Variants in SCAF8 observed in about 807,000 individuals in gnomAD.
SCAF8 encodes the protein SR-related CTD associated factor 8.
In SCAF8, 23 loss-of-function variants were observed where a neutral mutation model predicts 140.5. That is an observed-to-expected ratio of 0.16 (90% confidence interval 0.12 to 0.23). The LOEUF (loss-of-function observed/expected upper bound fraction) is 0.23, where lower values mean the gene tolerates loss of function less well. Among genes scored for constraint, SCAF8 ranks in the 10% least tolerant of loss-of-function variants. The pLI, the probability that SCAF8 is intolerant of heterozygous loss-of-function variation, is 1.00. For missense variants in SCAF8, 1,397 were observed against 1,555.7 expected, an observed-to-expected ratio of 0.90 and a Z score of 1.72; for synonymous variants, 575 against 528.9, an observed-to-expected ratio of 1.09 and a Z score of -1.20.
chr6:154,737,553 C>T (rs1375214030), intron 1 of SCAF8, among the ~76,000 whole-genome samples: 2 of 151,978 alleles, frequency 1.3e-5, no homozygotes, highest in Non-Finnish European at 2.9e-5. Flanking sequence ...GTCACGGTGG[C>T]ATGTGCCTGT....
intron 1 of SCAF8, among the ~76,000 whole-genome samples, chr6:154,754,169 A>G (rs1350670464): frequency 2.0e-5 from 3 of 152,258 alleles, no homozygotes; most frequent in East Asian, 3.8e-4. Flanking sequence ...CTTAAAATTC[A>G]TGTTTAAATG....
At chr6:154,752,112 ATTTAGATTT>A (rs539508959) in intron 1 of SCAF8, among the ~76,000 whole-genome samples, 54 of 152,336 alleles carry the variant, frequency 3.5e-4, no homozygotes, top group African/African-American at 1.3e-3. Context: ...TGACTACTAC[ATTTAGATTT>A]TTGCAAACTA....
chr6:154,791,790 G>A (rs189549382), intron 4 of SCAF8, among the ~76,000 whole-genome samples: 1 of 152,246 alleles, frequency 6.6e-6, no homozygotes, highest in African/African-American at 2.4e-5. Context: ...GACTATTTGA[G>A]TAATCCAGAA....
chr6:154,740,389 G>A (rs992784134), intron 1 of SCAF8, among the ~76,000 whole-genome samples: 4 of 152,074 alleles, frequency 2.6e-5, no homozygotes, highest in African/African-American at 7.2e-5. Flanking sequence ...GGGGCACAGT[G>A]ACCCTGGTCC....
chr6:154,793,234 T>A (rs941330087), intron 5 of SCAF8, among the ~76,000 whole-genome samples: 1 of 152,142 alleles, frequency 6.6e-6, no homozygotes, highest in South Asian at 2.1e-4. Context: ...GTCAATTAGA[T>A]TTTTCCTGAT....
At chr6:154,750,430 T>C (rs1778810712) in intron 1 of SCAF8, among the ~76,000 whole-genome samples, 1 of 151,902 alleles carries the variant, frequency 6.6e-6, no homozygotes, top group African/African-American at 2.4e-5. Flanking sequence ...TCTTGTAGAA[T>C]CTTTTCATCC....
intron 2 of SCAF8, among the ~76,000 whole-genome samples, chr6:154,774,911 A>G (rs1776875150): frequency 6.6e-6 from 1 of 152,202 alleles, no homozygotes; most frequent in Non-Finnish European, 1.5e-5. Context: ...CCCTAGGCTA[A>G]GATTCCCTGA....
chr6:154,752,541 T>C (rs1346092613), intron 1 of SCAF8, among the ~76,000 whole-genome samples: 3 of 152,146 alleles, frequency 2.0e-5, no homozygotes, highest in Admixed American at 6.6e-5. Flanking sequence ...GTAGTGTCAT[T>C]GTGGATATCT....
chr6:154,759,733 T>G (rs1456506145), intron 1 of SCAF8, among the ~76,000 whole-genome samples: 1 of 151,194 alleles, frequency 6.6e-6, no homozygotes, highest in African/African-American at 2.4e-5. Flanking sequence ...TGGTGCGATC[T>G]TGGCTCACTG....
At chr6:154,756,764 C>A (rs1778976084) in intron 1 of SCAF8, among the ~76,000 whole-genome samples, 1 of 152,162 alleles carries the variant, frequency 6.6e-6, no homozygotes, top group South Asian at 2.1e-4. Flanking sequence ...CGGTGGCTCA[C>A]ACCTGTAATC....
At chr6:154,816,258 T>C (rs1482029828) in intron 13 of SCAF8, among the ~76,000 whole-genome samples, 1 of 152,202 alleles carries the variant, frequency 6.6e-6, no homozygotes, top group East Asian at 1.9e-4. Context: ...CTTCTCACTC[T>C]CTCACCCTCT....
chr6:154,831,002 T>G lies in SCAF8; in HGVS notation c.2221T>G (p.Ser741Ala). ...TGGTAGCCTTGTTATACCAGGCGGT[T>G]CTGTTGCCAGCAATCTTGCTACTTC... is the stretch of plus-strand genomic sequence containing the variant. ...GFGSLVIPGG[S>A]VASNLATSAL... Residue 741 changes from serine (S) to alanine (A), a missense_variant, in exon 19 of 20, where the codon TCT becomes GCT. Around this residue, in one of 5 missense-constraint regions of SCAF8, gnomAD observed 930 missense variants for 874.6 expected, o/e 1.06. Coordinates refer to ENST00000367178, the MANE Select transcript of SCAF8 (RefSeq NM_014892.5). 3.7e-6 allele frequency: 6 copies of G among 1,614,156 alleles called. No individual in the cohort carries two copies. Among genetic ancestry groups the G allele is most frequent in the Non-Finnish European group, 4.2e-6 (5 of 1,179,982 alleles).
intron 13 of SCAF8, among the ~76,000 whole-genome samples, chr6:154,817,789 C>G (rs190988494): frequency 6.6e-6 from 1 of 152,104 alleles, no homozygotes; most frequent in East Asian, 1.9e-4. Flanking sequence ...CAGAAAGAAA[C>G]AAATGCTGTG....
chr6:154,786,267 C>G (rs755640201), intron 3 of SCAF8, among the ~76,000 whole-genome samples: 9 of 152,310 alleles, frequency 5.9e-5, no homozygotes, highest in Non-Finnish European at 1.3e-4. Flanking sequence ...TTGCTGTCTT[C>G]TCTTCTTGGG....
chr6:154,748,698 C>G (rs562448884), intron 1 of SCAF8, among the ~76,000 whole-genome samples: 1 of 152,256 alleles, frequency 6.6e-6, no homozygotes, highest in African/African-American at 2.4e-5. Flanking sequence ...TGAGATAACT[C>G]AGAAGTTTTT....
intron 1 of SCAF8, among the ~76,000 whole-genome samples, chr6:154,764,100 A>G (rs77476126): frequency 0.019 from 2,827 of 152,320 alleles, 84 homozygotes; most frequent in African/African-American, 0.064. Context: ...GATTTGACTT[A>G]TAGAAGTCTT....
chr6:154,747,573 A>G (rs1437643954), intron 1 of SCAF8, among the ~76,000 whole-genome samples: 1 of 152,194 alleles, frequency 6.6e-6, no homozygotes, highest in Non-Finnish European at 1.5e-5. Context: ...GGGCCTATCA[A>G]AACAGGCCAA....
chr6:154,791,687 G>A (rs1041852536), intron 4 of SCAF8, among the ~76,000 whole-genome samples: 3 of 152,126 alleles, frequency 2.0e-5, no homozygotes, highest in African/African-American at 7.2e-5. Context: ...ACCAGGATCA[G>A]CAGCAACGTT....
chr6:154,771,144 T>C (rs932951238), intron 1 of SCAF8, among the ~76,000 whole-genome samples: 1 of 152,192 alleles, frequency 6.6e-6, no homozygotes, highest in Non-Finnish European at 1.5e-5. Context: ...TTTTAAAAAA[T>C]CAAGTATTAG....
Sources: gnomAD v4.1 joint callset for allele counts (sites outside exome capture counted in the v4.1 genomes callset) on GRCh38, gnomAD v4.1.1 for gene constraint, gnomAD v4.1.1 regional missense constraint, MANE v1.5 for transcripts, NCBI Gene and HGNC (gene_info 2026-07-23, HGNC 2026-07-21) for gene names.